ELOC: variants seen among roughly 807,000 people sequenced by gnomAD.
ELOC encodes elongin C.
For missense variants in ELOC, 38 were observed against 139.0 expected (o/e 0.27, Z 3.65); for synonymous variants, 40 against 51.3 (o/e 0.78, Z 0.94).
intron 1 of ELOC, among the ~76,000 whole-genome samples, chr8:73,965,036 C>CAAAAAAAAAAA (rs61081733): frequency 1.2e-5 from 1 of 81,414 alleles, no homozygotes; most frequent in Non-Finnish European, 2.3e-5. Context: ...AAAAACAAAC[C>CAAAAAAAAAAA]AAAAAAAAAA....
At chr8:73,965,369 T>A (rs1433228881) in intron 1 of ELOC, among the ~76,000 whole-genome samples, 9 of 150,420 alleles carry the variant, frequency 6.0e-5, no homozygotes. Flanking sequence ...TGAATTCTCA[T>A]ACACTGCTGA....
chr8:73,965,944 G>A (rs1814943043), intron 1 of ELOC, among the ~76,000 whole-genome samples: 1 of 152,102 alleles, frequency 6.6e-6, no homozygotes, highest in Non-Finnish European at 1.5e-5. Context: ...GTTATAAAAG[G>A]AAAGTAGCTT....
rs752322536 is a variant in ELOC, at chr8:73,959,796, T to G, written c.-28A>C. The G allele has an allele frequency of 6.5e-7, 1 of 1,550,204 alleles. No individual in the cohort carries two copies. Among genetic ancestry groups the G allele is most frequent in the South Asian group, 1.2e-5 (1 of 80,374 alleles). On this transcript the variant is annotated 5_prime_UTR_variant, in exon 2 of 4. Transcript: ENST00000520242. Reference sequence around the variant, plus strand: ...TGTTCTTATGAAATTCTACTTTGCTTCCCCAGGAACTTTAGTAGTTTCCTG... The same window carrying G: ...TGTTCTTATGAAATTCTACTTTGCTGCCCCAGGAACTTTAGTAGTTTCCTG...
intron 1 of ELOC, among the ~76,000 whole-genome samples, chr8:73,968,253 C>A (rs1011863102): frequency 6.6e-6 from 1 of 152,144 alleles, no homozygotes; most frequent in Non-Finnish European, 1.5e-5. Context: ...TCCAAAAGTC[C>A]ATTCTGGCTC....
intron 1 of ELOC, among the ~76,000 whole-genome samples, chr8:73,969,395 C>T (rs1176104571): frequency 6.6e-6 from 1 of 152,210 alleles, no homozygotes; most frequent in Non-Finnish European, 1.5e-5. Flanking sequence ...CTACTACTCA[C>T]TTTCAACTCC....
intron 1 of ELOC, among the ~76,000 whole-genome samples, chr8:73,962,598 C>T (rs1002940055): frequency 2.0e-5 from 3 of 151,332 alleles, no homozygotes; most frequent in African/African-American, 7.3e-5. Context: ...AAAACAAATG[C>T]GAGAAAGCTT....
intron 3 of ELOC, among the ~76,000 whole-genome samples, chr8:73,948,010 T>C (rs932901270): frequency 2.0e-5 from 3 of 151,998 alleles, no homozygotes; most frequent in South Asian, 2.1e-4. Flanking sequence ...CTGACTAACA[T>C]AGTGAAACCC....
chr8:73,950,351 A>G (rs1487327463), intron 3 of ELOC, among the ~76,000 whole-genome samples: 3 of 152,212 alleles, frequency 2.0e-5, no homozygotes, highest in Admixed American at 2.0e-4. Flanking sequence ...ACTCAAAAAC[A>G]AAAACAAAAC....
At chr8:73,961,495 T>C (rs550451988) in intron 1 of ELOC, among the ~76,000 whole-genome samples, 1 of 152,198 alleles carries the variant, frequency 6.6e-6, no homozygotes, top group East Asian at 1.9e-4. Flanking sequence ...TGGAGACAGA[T>C]ATTCAAAGTA....
intron 3 of ELOC, among the ~76,000 whole-genome samples, chr8:73,953,042 C>T (rs1476230167): frequency 1.3e-5 from 2 of 151,954 alleles, no homozygotes; most frequent in African/African-American, 2.4e-5. Flanking sequence ...TGCTGGCTCA[C>T]GTCTGTAATC....
chr8:73,951,647 CACAACAACAACAACA>C (rs71269967), intron 3 of ELOC, among the ~76,000 whole-genome samples: 1 of 149,804 alleles, frequency 6.7e-6, no homozygotes, highest in African/African-American at 2.5e-5. Flanking sequence ...CAAAAAACCC[CACAACAACAACAACA>C]ACAACAACAA....
intron 3 of ELOC, among the ~76,000 whole-genome samples, chr8:73,951,839 CAT>C (rs1262706143): frequency 6.6e-6 from 1 of 152,068 alleles, no homozygotes; most frequent in African/African-American, 2.4e-5. Flanking sequence ...TAAGGACAGA[CAT>C]ATAGATCAAT....
chr8:73,960,477 G>T (rs910005160), intron 1 of ELOC, among the ~76,000 whole-genome samples: 3 of 152,140 alleles, frequency 2.0e-5, no homozygotes, highest in African/African-American at 7.2e-5. Flanking sequence ...AGGACAAAAA[G>T]CTTTGAGGTG....
intron 1 of ELOC, among the ~76,000 whole-genome samples, chr8:73,971,045 A>G (rs1354837496): frequency 2.0e-5 from 3 of 150,984 alleles, no homozygotes; most frequent in Non-Finnish European, 4.4e-5. Context: ...AAAAAAAAAA[A>G]AAAAAAGAAA....
At chr8:73,967,319 G>T (rs1815056149) in intron 1 of ELOC, among the ~76,000 whole-genome samples, 1 of 152,080 alleles carries the variant, frequency 6.6e-6, no homozygotes, top group South Asian at 2.1e-4. Flanking sequence ...TTGCTTAGCA[G>T]GCTGTAAGGT....
chr8:73,951,504 A>T (rs1272931117), intron 3 of ELOC, among the ~76,000 whole-genome samples: 4 of 152,020 alleles, frequency 2.6e-5, no homozygotes, highest in South Asian at 2.1e-4. Context: ...AATACAATTT[A>T]AAAAAAGGTG....
intron 3 of ELOC, among the ~76,000 whole-genome samples, chr8:73,952,772 G>GAAA (rs34157631): frequency 0.063 from 8,799 of 138,788 alleles, 403 homozygotes; most frequent in Admixed American, 0.16. Flanking sequence ...CAGGTGTCTC[G>GAAA]AAAAAAAAAA....
chr8:73,958,217 C>CA (rs35867272), intron 2 of ELOC, among the ~76,000 whole-genome samples: 1 of 151,888 alleles, frequency 6.6e-6, no homozygotes, highest in East Asian at 1.9e-4. Flanking sequence ...CCTCAGCCTC[C>CA]AAAGTAGCTG....
intron 1 of ELOC, among the ~76,000 whole-genome samples, chr8:73,962,846 A>G (rs778178117): frequency 2.6e-4 from 39 of 152,352 alleles, no homozygotes; most frequent in Non-Finnish European, 4.6e-4. Context: ...TTTGAAAGGG[A>G]AAATCAACAT....
Sources: gnomAD v4.1 joint callset for allele counts (sites outside exome capture counted in the v4.1 genomes callset) on GRCh38, gnomAD v4.1.1 for gene constraint, MANE v1.5 for transcripts, NCBI Gene and HGNC (gene_info 2026-07-23, HGNC 2026-07-21) for gene names.